The following ZNF841 variants were observed in gnomAD, a reference collection of about 807,000 sequenced individuals.
ZNF841 encodes TCONS_00006091.
A neutral mutation model predicts 13.0 loss-of-function variants in ZNF841; 11 were observed. The observed-to-expected ratio is 0.85, with a 90% CI of 0.53 to 1.40. ZNF841 has a LOEUF of 1.40. Ranked by LOEUF, ZNF841 falls within the 40% of genes most tolerant of loss-of-function variation. The pLI is 0.00. For missense variants in ZNF841, 1,068 were observed against 1,139.5 expected (o/e 0.94, Z 0.90); for synonymous variants, 369 against 381.6 (o/e 0.97, Z 0.38).
chr19:52,093,763 TA>T (rs2088582282), intron 2 of ZNF841, 82 bp downstream of exon 2: 1 of 152,104 alleles, frequency 6.6e-6, no homozygotes, highest in African/African-American at 2.4e-5. Context: ...AAATAACAAT[TA>T]ATTAACTGTA....
Position 52,065,074 on chromosome 19 carries a change from G to C in ZNF841, c.*33C>G, listed in dbSNP as rs752942730. ...TCCACATGAGACTTCAAAGGGAAAG[G>C]ACAAATATACAAGCTATATGAGTAA... On this transcript the variant is annotated 3_prime_UTR_variant, in exon 7 of 7. Coordinates refer to ENST00000594440, the MANE Select transcript of ZNF841 (RefSeq NM_001136499.2). 2.8e-6 allele frequency: 4 copies of C among 1,440,800 alleles called. No homozygotes were observed. Among genetic ancestry groups the C allele is most frequent in the Non-Finnish European group, 3.7e-6 (4 of 1,088,968 alleles). 89.3% of individuals were successfully genotyped at this position (1,440,800 alleles called of 1,614,324 possible). A position where few individuals can be genotyped will look rare whatever the true frequency, so the allele number is the denominator to read the frequency against.
downstream of ZNF841, among the ~76,000 whole-genome samples, chr19:52,059,707 A>G (rs1163580946): frequency 6.6e-6 from 1 of 152,140 alleles, no homozygotes; most frequent in Non-Finnish European, 1.5e-5. Flanking sequence ...CTGAGGCAGG[A>G]GAACATGGTC....
chr19:52,074,603 G>A (rs1046442192), intron 6 of ZNF841, among the ~76,000 whole-genome samples: 4 of 151,848 alleles, frequency 2.6e-5, no homozygotes, highest in Non-Finnish European at 4.4e-5. Context: ...TACAACCTCC[G>A]CCTCCCAGAT....
intron 6 of ZNF841, among the ~76,000 whole-genome samples, chr19:52,075,797 C>G (rs543271761): frequency 3.3e-5 from 5 of 152,300 alleles, no homozygotes; most frequent in African/African-American, 1.2e-4. Context: ...AGAGTTCACA[C>G]AATACAGATG....
At chr19:52,079,450 A>C (rs555455410) in intron 4 of ZNF841, among the ~76,000 whole-genome samples, 5,471 of 150,370 alleles carry the variant, frequency 0.036, 133 homozygotes, top group African/African-American at 0.06. Context: ...AAAAAAAAAA[A>C]AAACCCAAAA....
At chr19:52,059,266 C>G in the ZNF841 span, among the ~76,000 whole-genome samples, 1 of 146,220 alleles carries the variant, frequency 6.8e-6, no homozygotes, top group Non-Finnish European at 1.5e-5. Flanking sequence ...AGGAGAATGG[C>G]AAGAACCCGA....
downstream of ZNF841, among the ~76,000 whole-genome samples, chr19:52,061,349 G>C (rs1003242825): frequency 6.6e-6 from 1 of 152,062 alleles, no homozygotes; most frequent in Non-Finnish European, 1.5e-5. Flanking sequence ...GGGCAGTCTT[G>C]GTAGCCTTAA....
At chr19:52,063,170 T>C (rs749191333), downstream of ZNF841, among the ~76,000 whole-genome samples, 1 of 151,256 alleles carries the variant, frequency 6.6e-6, no homozygotes, top group Non-Finnish European at 1.5e-5. Context: ...CCACCGCATC[T>C]GGCTGAGAAA....
intron 4 of ZNF841, among the ~76,000 whole-genome samples, chr19:52,082,101 G>A (rs922730980): frequency 6.6e-6 from 1 of 152,128 alleles, no homozygotes; most frequent in African/African-American, 2.4e-5. Context: ...TAAATAATGT[G>A]AATATACCTA....
chr19:52,064,435 C>T (rs1307208002), downstream of ZNF841: 2 of 142,984 alleles, frequency 1.4e-5, no homozygotes, highest in African/African-American at 5.1e-5. Context: ...GCCATAATTG[C>T]ATGGCTAGAC....
intron 3 of ZNF841, 38 bp downstream of exon 3, chr19:52,088,899 T>C (rs1305978649): frequency 6.6e-6 from 1 of 152,220 alleles, no homozygotes; most frequent in Non-Finnish European, 1.5e-5. Context: ...AGAAAAGCCA[T>C]GACATTATAA....
chr19:52,084,284 G>A (rs994062676), intron 4 of ZNF841, among the ~76,000 whole-genome samples: 1 of 151,996 alleles, frequency 6.6e-6, no homozygotes, highest in African/African-American at 2.4e-5. Flanking sequence ...TCCATTCCCG[G>A]TCATTAAGAT....
chr19:52,069,970 T>C (rs1029944932), intron 6 of ZNF841, among the ~76,000 whole-genome samples: 5 of 152,228 alleles, frequency 3.3e-5, no homozygotes, highest in Non-Finnish European at 5.9e-5. Context: ...ACATGCAATA[T>C]TCTAAGCTAG....
At chr19:52,084,993 G>A (rs1057489090) in intron 3 of ZNF841, 115 bp from the exon 4 acceptor site, 1 of 593,268 alleles carries the variant, frequency 1.7e-6, no homozygotes, top group Non-Finnish European at 2.9e-6. Flanking sequence ...GTGCACCAGG[G>A]GGATGCAAGC....
At chr19:52,088,110 A>C (rs1465486439) in intron 3 of ZNF841, among the ~76,000 whole-genome samples, 1 of 151,686 alleles carries the variant, frequency 6.6e-6, no homozygotes, top group Non-Finnish European at 1.5e-5. Flanking sequence ...TACTTCGGTA[A>C]GTTGCATGAT....
chr19:52,065,046 A>T lies in ZNF841; in HGVS notation c.*61T>A. The T allele has an allele frequency of 7.2e-7, 1 of 1,379,962 alleles. No homozygotes were observed. Among genetic ancestry groups the T allele is most frequent in the Non-Finnish European group, 9.6e-7 (1 of 1,039,516 alleles). 85.5% of individuals were successfully genotyped at this position (1,379,962 alleles called of 1,614,324 possible). On this transcript the variant is annotated 3_prime_UTR_variant, in exon 7 of 7. Coordinates refer to ENST00000594440, the MANE Select transcript of ZNF841 (RefSeq NM_001136499.2). Reference sequence around the variant, plus strand: ...CACCTCCAATACTGGAGATTACTACAATTCCACATGAGACTTCAAAGGGAA... The same window carrying T: ...CACCTCCAATACTGGAGATTACTACTATTCCACATGAGACTTCAAAGGGAA...
intron 3 of ZNF841, among the ~76,000 whole-genome samples, chr19:52,087,165 T>G (rs922204092): frequency 3.9e-5 from 6 of 152,242 alleles, no homozygotes; most frequent in African/African-American, 1.4e-4. Context: ...ATGACACAGT[T>G]AAACAAATTT....
At chr19:52,068,310 C>T (rs1007131744) in intron 6 of ZNF841, among the ~76,000 whole-genome samples, 1 of 151,916 alleles carries the variant, frequency 6.6e-6, no homozygotes, top group Non-Finnish European at 1.5e-5. Flanking sequence ...ATCTCAGAAA[C>T]TAAGCAGTGT....
At position 52,095,317 on chromosome 19, in the gene ZNF841, G is replaced by A. The variant is rs1600112381; in HGVS notation, c.-270+258C>T. On this transcript the variant is annotated intron_variant, in intron 1 of 6. Transcript: ENST00000594440. The stretch of plus-strand genomic sequence containing the variant: ...GTCTGCAGAATCCCAGGACGTGGGA[G>A]GAGAAGCGGCTCCTTCAGGAGCCGG... Among the ~76,000 whole-genome samples, 6 of 152,274 alleles carry A rather than the reference G, an allele frequency of 3.9e-5. No individual in the cohort carries two copies. The South Asian group carries it at 1.2e-3, about 32-fold the overall frequency.
Sources: allele counts gnomAD v4.1 joint callset (sites outside exome capture counted in the v4.1 genomes callset), GRCh38; gene constraint gnomAD v4.1.1; transcripts MANE v1.5; gene names NCBI Gene and HGNC (gene_info 2026-07-23, HGNC 2026-07-21).